The following CTNNA3 variants were observed in gnomAD, a reference collection of about 807,000 sequenced individuals.
CTNNA3 encodes the protein catenin alpha 3, also known as catenin alpha-3.
A neutral mutation model predicts 95.7 loss-of-function variants in CTNNA3; 76 were observed. The observed-to-expected ratio is 0.79, with a 90% confidence interval of 0.66 to 0.96. CTNNA3 has a LOEUF of 0.96. Among genes scored for constraint, CTNNA3 ranks in the 40% least tolerant of loss-of-function variants. CTNNA3 has a pLI of 0.00. For synonymous variants in CTNNA3, 431 were observed against 374.4 expected, an observed-to-expected ratio of 1.15 and a Z score of -1.74; for missense variants, 1,191 against 1,089.8, an observed-to-expected ratio of 1.09 and a Z score of -1.31.
intron 15 of CTNNA3, among the ~76,000 whole-genome samples, chr10:66,067,241 T>C (rs530384720): frequency 1.3e-5 from 2 of 152,328 alleles, no homozygotes; most frequent in East Asian, 1.9e-4. Flanking sequence ...GTACTAGTCA[T>C]ACAATAATTT....
intron 5 of CTNNA3, among the ~76,000 whole-genome samples, chr10:67,303,253 A>G (rs1456600858): frequency 6.6e-6 from 1 of 152,254 alleles, no homozygotes; most frequent in Non-Finnish European, 1.5e-5. Flanking sequence ...TGAGAGAATC[A>G]GTGACCTTTG....
At chr10:67,202,585 T>G (rs887094750) in intron 6 of CTNNA3, among the ~76,000 whole-genome samples, 1 of 152,242 alleles carries the variant, frequency 6.6e-6, no homozygotes, top group Admixed American at 6.5e-5. Context: ...AAAATTATGT[T>G]TTACTAATTT....
chr10:66,268,202 T>G (rs1042600769), intron 13 of CTNNA3, among the ~76,000 whole-genome samples: 1 of 152,082 alleles, frequency 6.6e-6, no homozygotes, highest in African/African-American at 2.4e-5. Context: ...TCATCTCACA[T>G]GCTCCTTTTG....
intron 7 of CTNNA3, among the ~76,000 whole-genome samples, chr10:66,782,421 T>C (rs1385232038): frequency 6.6e-6 from 1 of 152,136 alleles, no homozygotes; most frequent in East Asian, 1.9e-4. Context: ...GGAAAATTCT[T>C]AATTCATAAT....
chr10:67,180,199 T>C (rs1015285162), intron 7 of CTNNA3, 118 bp downstream of exon 7: 11 of 870,814 alleles, frequency 1.3e-5, no homozygotes, highest in Non-Finnish European at 1.5e-5. Context: ...AATCAACCTA[T>C]GTAAAATCAC....
intron 15 of CTNNA3, among the ~76,000 whole-genome samples, chr10:66,058,943 C>A (rs1453559629): frequency 6.6e-6 from 1 of 152,078 alleles, no homozygotes; most frequent in Non-Finnish European, 1.5e-5. Flanking sequence ...GTTTATTATA[C>A]ATATGGTTAG....
intron 12 of CTNNA3, among the ~76,000 whole-genome samples, chr10:66,318,513 C>T (rs1042463417): frequency 1.3e-5 from 2 of 151,914 alleles, no homozygotes. Context: ...TCCCAGTTCT[C>T]TGTGCACGCC....
chr10:66,124,184 T>G (rs913415194), intron 13 of CTNNA3, among the ~76,000 whole-genome samples: 9 of 152,030 alleles, frequency 5.9e-5, no homozygotes, highest in Non-Finnish European at 1.3e-4. Flanking sequence ...TTGAATGCTT[T>G]GCTGCTTAGA....
chr10:67,126,443 C>G (rs904308755), intron 7 of CTNNA3, among the ~76,000 whole-genome samples: 2 of 152,024 alleles, frequency 1.3e-5, no homozygotes, highest in African/African-American at 4.8e-5. Flanking sequence ...GGGAGAATCG[C>G]TTGATCCCGG....
intron 2 of CTNNA3, among the ~76,000 whole-genome samples, chr10:67,626,925 T>C (rs941030207): frequency 6.6e-6 from 1 of 152,216 alleles, no homozygotes; most frequent in Non-Finnish European, 1.5e-5. Context: ...TAAATAAAGC[T>C]AGTTTTAAAA....
chr10:66,766,806 T>A (rs72802621), intron 8 of CTNNA3, among the ~76,000 whole-genome samples: 4,804 of 152,212 alleles, frequency 0.032, 155 homozygotes, highest in East Asian at 0.17. Flanking sequence ...TTCTACCTTG[T>A]TGGAGGAACT....
chr10:66,899,545 G>T (rs1011041138), intron 7 of CTNNA3, among the ~76,000 whole-genome samples: 11 of 152,122 alleles, frequency 7.2e-5, no homozygotes, highest in African/African-American at 2.7e-4. Flanking sequence ...AGTAGGGCGG[G>T]GCATTGCCTC....
intron 15 of CTNNA3, among the ~76,000 whole-genome samples, chr10:66,009,493 A>C (rs1475867397): frequency 6.6e-6 from 1 of 152,190 alleles, no homozygotes; most frequent in Admixed American, 6.5e-5. Flanking sequence ...AAATCCTGGG[A>C]AGGCTACAAT....
intron 7 of CTNNA3, among the ~76,000 whole-genome samples, chr10:66,900,366 G>A (rs1319571366): frequency 1.3e-5 from 2 of 152,050 alleles, no homozygotes; most frequent in African/African-American, 2.4e-5. Flanking sequence ...CCCATCTGCA[G>A]GTCACCAATG....
intron 5 of CTNNA3, among the ~76,000 whole-genome samples, chr10:67,365,550 C>T (rs889863265): frequency 2.6e-5 from 4 of 152,014 alleles, no homozygotes; most frequent in Non-Finnish European, 5.9e-5. Flanking sequence ...ACAACCCCAT[C>T]AAAAAGTGGG....
At chr10:66,968,625 A>C (rs1186650005) in intron 7 of CTNNA3, among the ~76,000 whole-genome samples, 2 of 152,102 alleles carry the variant, frequency 1.3e-5, no homozygotes, top group Non-Finnish European at 2.9e-5. Context: ...GACACTCAAT[A>C]CATATTCATT....
intron 11 of CTNNA3, among the ~76,000 whole-genome samples, chr10:66,509,770 C>T (rs1840590913): frequency 6.6e-6 from 1 of 151,638 alleles, no homozygotes; most frequent in Non-Finnish European, 1.5e-5. Context: ...GTTTTTGTTA[C>T]TATTACTGTG....
chr10:66,402,652 A>G (rs141538725), intron 11 of CTNNA3, among the ~76,000 whole-genome samples: 27 of 152,322 alleles, frequency 1.8e-4, no homozygotes, highest in African/African-American at 6.0e-4. Flanking sequence ...TGGAAATTCT[A>G]GGAACCTAGT....
intron 7 of CTNNA3, among the ~76,000 whole-genome samples, chr10:66,831,277 C>T (rs567391240): frequency 6.6e-6 from 1 of 152,292 alleles, no homozygotes; most frequent in East Asian, 1.9e-4. Context: ...GCAGTAAGGC[C>T]TTTGTAAGCT....
Sources: allele counts gnomAD v4.1 joint callset (sites outside exome capture counted in the v4.1 genomes callset), GRCh38; gene constraint gnomAD v4.1.1; transcripts MANE v1.5; gene names NCBI Gene and HGNC (gene_info 2026-07-23, HGNC 2026-07-21).